GALNT13: variants seen among roughly 807,000 people sequenced by gnomAD.
The protein encoded by GALNT13 is UDP-GalNAc:polypeptide N-acetylgalactosaminyltransferase 13.
GALNT13 carries 28 observed loss-of-function variants against 64.2 expected under a neutral mutation model. The observed-to-expected ratio is 0.44, with a 90% CI of 0.32 to 0.60. The LOEUF (loss-of-function observed/expected upper bound fraction) is 0.60. Ranked by LOEUF, GALNT13 falls within the 20% of genes least tolerant of loss-of-function variation. The pLI, the probability that GALNT13 is intolerant of heterozygous loss-of-function variation, is 0.05. For synonymous variants in GALNT13, 214 were observed against 224.6 expected (o/e 0.95, Z 0.42); for missense variants, 577 against 669.8 (o/e 0.86, Z 1.53).
At chr2:153,863,387 T>C in the GALNT13 span, among the ~76,000 whole-genome samples, 12 of 152,214 alleles carry the variant, frequency 7.9e-5, no homozygotes. Flanking sequence ...ATTATTGTCT[T>C]AGGAAGTTAG....
the GALNT13 span, among the ~76,000 whole-genome samples, chr2:153,706,097 A>G: frequency 1.3e-5 from 2 of 152,016 alleles, no homozygotes; most frequent in Non-Finnish European, 2.9e-5. Context: ...CCCGGGTTCA[A>G]GCAATTCTCC....
At chr2:153,895,692 T>C (rs1446478697) in intron 1 of GALNT13, among the ~76,000 whole-genome samples, 6 of 152,050 alleles carry the variant, frequency 3.9e-5, no homozygotes, top group Non-Finnish European at 1.5e-5. Context: ...GTTGGGTACA[T>C]CAGTTTCATA....
At chr2:153,476,259 T>G in the GALNT13 span, among the ~76,000 whole-genome samples, 1 of 152,228 alleles carries the variant, frequency 6.6e-6, no homozygotes, top group African/African-American at 2.4e-5. Context: ...TCCCAATCTT[T>G]GAGTCGTTAA....
At chr2:153,536,328 G>A in the GALNT13 span, among the ~76,000 whole-genome samples, 2 of 152,154 alleles carry the variant, frequency 1.3e-5, no homozygotes, top group African/African-American at 4.8e-5. Context: ...CCCAGTGCTG[G>A]TTCTCACAAG....
At chr2:153,712,342 T>C in the GALNT13 span, among the ~76,000 whole-genome samples, 11 of 152,198 alleles carry the variant, frequency 7.2e-5, no homozygotes, top group Admixed American at 7.2e-4. Flanking sequence ...CACTGAGATT[T>C]AAGACATTAT....
the GALNT13 span, among the ~76,000 whole-genome samples, chr2:153,597,433 G>A: frequency 1.3e-5 from 2 of 151,728 alleles, no homozygotes; most frequent in East Asian, 3.9e-4. Context: ...ATACCCACAT[G>A]CAAAAAAAAT....
chr2:153,156,026 C>T, the GALNT13 span, among the ~76,000 whole-genome samples: 1 of 152,108 alleles, frequency 6.6e-6, no homozygotes, highest in African/African-American at 2.4e-5. Flanking sequence ...ATTCAATTTC[C>T]ATGTAATTTT....
the GALNT13 span, among the ~76,000 whole-genome samples, chr2:153,714,505 A>G: frequency 6.6e-6 from 1 of 152,190 alleles, no homozygotes; most frequent in Admixed American, 6.5e-5. Flanking sequence ...TGCCAACCAT[A>G]TTTCTCACTA....
chr2:153,988,071 T>TACAC (rs764266085), intron 3 of GALNT13, among the ~76,000 whole-genome samples: 75 of 143,744 alleles, frequency 5.2e-4, no homozygotes, highest in East Asian at 1.2e-3. Context: ...TATATATATA[T>TACAC]ATACACACAC....
At chr2:154,290,840 C>T (rs1692573970) in intron 8 of GALNT13, among the ~76,000 whole-genome samples, 1 of 152,088 alleles carries the variant, frequency 6.6e-6, no homozygotes, top group African/African-American at 2.4e-5. Flanking sequence ...TCACTGGCTT[C>T]AGGAGTGAAG....
At chr2:154,256,182 T>C (rs761161080) in intron 7 of GALNT13, among the ~76,000 whole-genome samples, 8 of 152,106 alleles carry the variant, frequency 5.3e-5, no homozygotes, top group Non-Finnish European at 1.0e-4. Context: ...AACCACATCT[T>C]ATTACTTTCC....
chr2:153,582,074 G>C, the GALNT13 span, among the ~76,000 whole-genome samples: 3 of 152,056 alleles, frequency 2.0e-5, no homozygotes, highest in Admixed American at 2.0e-4. Context: ...TAAACCTTCT[G>C]TTATATGTCT....
At chr2:154,079,078 C>T (rs538042440) in intron 3 of GALNT13, among the ~76,000 whole-genome samples, 1 of 151,506 alleles carries the variant, frequency 6.6e-6, no homozygotes, top group Non-Finnish European at 1.5e-5. Context: ...TTGAGGAATA[C>T]GTACACATAT....
the GALNT13 span, among the ~76,000 whole-genome samples, chr2:153,489,942 C>T: frequency 6.6e-6 from 1 of 151,972 alleles, no homozygotes; most frequent in East Asian, 1.9e-4. Context: ...TATAATCACA[C>T]CCCTGCACTC....
At chr2:153,537,872 A>T in the GALNT13 span, among the ~76,000 whole-genome samples, 2 of 152,200 alleles carry the variant, frequency 1.3e-5, no homozygotes, top group African/African-American at 4.8e-5. Context: ...TGAGTTAGTT[A>T]AATCTCTTTC....
In GALNT13 at chr2:154,039,867, A is replaced by G. The variant is rs185386350; in HGVS notation, c.142+95228A>G. Among the ~76,000 whole-genome samples, 19 of 140,556 alleles carry G rather than the reference A, an allele frequency of 1.4e-4. 1 individual carries two copies. Among genetic ancestry groups the G allele is most frequent in the Admixed American group, 1.2e-3 (17 of 13,988 alleles). 92.2% of individuals were successfully genotyped at this position (140,556 alleles called of 152,430 possible). On this transcript the variant is annotated intron_variant, in intron 3 of 12. Coordinates refer to ENST00000392825, the MANE Select transcript of GALNT13 (RefSeq NM_052917.4). ...ACACATTGTATACATGTATAGGGAT[A>G]TTGTATGCTCCATATATATGTACAA... is the stretch of plus-strand genomic sequence containing the variant.
At chr2:154,263,157 A>G (rs1690795257) in intron 8 of GALNT13, among the ~76,000 whole-genome samples, 1 of 152,230 alleles carries the variant, frequency 6.6e-6, no homozygotes, top group African/African-American at 2.4e-5. Context: ...TCTCACAGCC[A>G]TGAATGGTTA....
At chr2:153,422,150 T>A in the GALNT13 span, among the ~76,000 whole-genome samples, 9 of 152,214 alleles carry the variant, frequency 5.9e-5, no homozygotes, top group Non-Finnish European at 1.0e-4. Context: ...ATCTGAATGA[T>A]AATGCAAATG....
chr2:153,891,903 C>T (rs2105269249), intron 1 of GALNT13, among the ~76,000 whole-genome samples: 1 of 152,084 alleles, frequency 6.6e-6, no homozygotes, highest in African/African-American at 2.4e-5. Context: ...TGAATTGATT[C>T]TCTGTTACCT....
Sources: allele counts gnomAD v4.1 joint callset (sites outside exome capture counted in the v4.1 genomes callset), GRCh38; gene constraint gnomAD v4.1.1; transcripts MANE v1.5; gene names NCBI Gene and HGNC (gene_info 2026-07-23, HGNC 2026-07-21).